Variants in JPH1 observed in about 807,000 individuals in gnomAD.
The protein encoded by JPH1 is junctophilin-1.
JPH1 carries 12 observed loss-of-function variants against 53.6 expected under a neutral mutation model. That is an observed-to-expected ratio of 0.22 (90% CI 0.14 to 0.36). The LOEUF (loss-of-function observed/expected upper bound fraction) is 0.36. Among genes scored for constraint, JPH1 ranks in the 10% least tolerant of loss-of-function variants. JPH1 has a pLI of 1.00. For missense variants in JPH1, 808 were observed against 905.5 expected (o/e 0.89, Z 1.38); for synonymous variants, 375 against 363.8 (o/e 1.03, Z -0.35).
At chr8:74,242,761 G>A (rs1394891642) in intron 4 of JPH1, among the ~76,000 whole-genome samples, 3 of 152,238 alleles carry the variant, frequency 2.0e-5, no homozygotes, top group Non-Finnish European at 1.5e-5. Context: ...GGAGCTGCTG[G>A]GGCTTCCCTT....
chr8:74,286,812 G>A (rs1182614419), intron 2 of JPH1, among the ~76,000 whole-genome samples: 3 of 152,152 alleles, frequency 2.0e-5, no homozygotes, highest in East Asian at 3.8e-4. Context: ...TAGTTAAATG[G>A]TGTGTATGTT....
intron 2 of JPH1, among the ~76,000 whole-genome samples, chr8:74,305,155 A>C (rs1430929615): frequency 6.6e-6 from 1 of 152,366 alleles, no homozygotes; most frequent in Admixed American, 6.5e-5. Flanking sequence ...TAATAAGAAA[A>C]GCATCTCAAA....
intron 2 of JPH1, among the ~76,000 whole-genome samples, chr8:74,264,108 G>A (rs1217338811): frequency 6.6e-6 from 1 of 152,186 alleles, no homozygotes; most frequent in Non-Finnish European, 1.5e-5. Flanking sequence ...GGTACACATA[G>A]GGCCCTGAGA....
intron 2 of JPH1, among the ~76,000 whole-genome samples, chr8:74,289,201 C>T (rs1301248010): frequency 6.6e-6 from 1 of 152,182 alleles, no homozygotes; most frequent in African/African-American, 2.4e-5. Flanking sequence ...AATGGAGCAA[C>T]AGTCCAGTCA....
At chr8:74,263,931 G>A (rs912331158) in intron 2 of JPH1, among the ~76,000 whole-genome samples, 1 of 152,202 alleles carries the variant, frequency 6.6e-6, no homozygotes, top group African/African-American at 2.4e-5. Flanking sequence ...AAATCAGTCT[G>A]TTAAGCAAGG....
chr8:74,254,507 C>CA (rs1448605767), intron 3 of JPH1, among the ~76,000 whole-genome samples: 2 of 152,058 alleles, frequency 1.3e-5, no homozygotes, highest in African/African-American at 4.8e-5. Context: ...CCTCTCTCAC[C>CA]ACTCCTATTC....
rs755624040 is a variant in JPH1 at position 74,244,863 on chromosome 8, C to T, written c.1571G>A (p.Gly524Glu). 6 of 1,614,074 alleles carry T rather than the reference C, an allele frequency of 3.7e-6. No homozygotes were observed. The South Asian group carries it at 5.5e-5, about 15-fold the overall frequency. ...LMSKAPTKEA[G>E]AVVPQSKYSG... is the part of the protein sequence containing the mutation. ...GTACTTGGACTGGGGCACAACCGCTCCTGCCTCCTTCGTGGGAGCCTTTGA... is the reference window on the plus strand; with the variant it reads ...GTACTTGGACTGGGGCACAACCGCTTCTGCCTCCTTCGTGGGAGCCTTTGA... Residue 524 changes from glycine to glutamate, a missense_variant, in exon 4 of 6, where the codon GGA (glycine) becomes GAA (glutamate). Physicochemically the swap from Gly to Glu is moderately conservative, Grantham distance 98. Around this residue, in one of 2 missense-constraint regions of JPH1, gnomAD observed 756 missense variants for 811.9 expected, o/e 0.93. Coordinates refer to ENST00000342232, the MANE Select transcript of JPH1 (RefSeq NM_020647.4).
rs550379973 is a variant in JPH1, at chr8:74,259,001, C to T, written c.1258+384G>A. ...CTACAAGTGGAAAATTCCACATGAC[C>T]GATGGTCACAGTCAAAATGCAGTCA... On this transcript the variant is annotated intron_variant, in intron 3 of 5. Coordinates refer to ENST00000342232, the MANE Select transcript of JPH1 (RefSeq NM_020647.4). 3.4e-4 allele frequency among the ~76,000 whole-genome samples: 52 copies of T among 152,218 alleles called. 1 individual carries two copies. The highest frequency in any genetic ancestry group is 1.1e-3 in the African/African-American group (45 of 41,540).
At chr8:74,306,914 T>C (rs1807853640) in intron 2 of JPH1, among the ~76,000 whole-genome samples, 1 of 152,160 alleles carries the variant, frequency 6.6e-6, no homozygotes. Context: ...ACATACTTAA[T>C]ATAAAGGTAA....
chr8:74,277,480 C>G (rs1806881529), intron 2 of JPH1, among the ~76,000 whole-genome samples: 1 of 152,202 alleles, frequency 6.6e-6, no homozygotes, highest in African/African-American at 2.4e-5. Context: ...GTGGCAAACT[C>G]AAAGTCCCTC....
At chr8:74,288,990 TTACC>T (rs368765557) in intron 2 of JPH1, among the ~76,000 whole-genome samples, 10 of 152,240 alleles carry the variant, frequency 6.6e-5, no homozygotes, top group Admixed American at 2.6e-4. Flanking sequence ...AGTGAAGACT[TTACC>T]TAAGAGTTTA....
At chr8:74,294,846 C>T (rs77537622) in intron 2 of JPH1, among the ~76,000 whole-genome samples, 1,557 of 152,320 alleles carry the variant, frequency 0.01, 21 homozygotes, top group African/African-American at 0.035. Flanking sequence ...TAAATTTTCA[C>T]AATGGTCCTC....
chr8:74,259,267 T>C, intron 3 of JPH1, 118 bp downstream of exon 3: 1 of 742,402 alleles, frequency 1.3e-6, no homozygotes. Flanking sequence ...TTGCTTGTTT[T>C]GTATAATAGT....
At chr8:74,263,445 T>G (rs544105836) in intron 2 of JPH1, among the ~76,000 whole-genome samples, 1 of 152,248 alleles carries the variant, frequency 6.6e-6, no homozygotes, top group South Asian at 2.1e-4. Context: ...TTCAAGAAAA[T>G]TATTAGAAAA....
chr8:74,256,370 C>T (rs1411335982), intron 3 of JPH1, among the ~76,000 whole-genome samples: 2 of 141,164 alleles, frequency 1.4e-5, no homozygotes, highest in Non-Finnish European at 3.1e-5. Context: ...GGAAGGGGAA[C>T]ATCACACACC....
At chr8:74,274,114 A>G (rs1016143175) in intron 2 of JPH1, among the ~76,000 whole-genome samples, 2 of 152,060 alleles carry the variant, frequency 1.3e-5, no homozygotes, top group Non-Finnish European at 2.9e-5. Flanking sequence ...ACATAATCCA[A>G]TTGTGCTCTG....
At chr8:74,288,514 T>C (rs774667240) in intron 2 of JPH1, among the ~76,000 whole-genome samples, 10 of 151,528 alleles carry the variant, frequency 6.6e-5, no homozygotes, top group Non-Finnish European at 1.2e-4. Flanking sequence ...AGTCTATAAG[T>C]GGGGAGGTGG....
At chr8:74,289,683 C>T (rs1160006353) in intron 2 of JPH1, among the ~76,000 whole-genome samples, 2 of 152,210 alleles carry the variant, frequency 1.3e-5, no homozygotes, top group South Asian at 2.1e-4. Context: ...TTTGCCCTTA[C>T]GAACATTACT....
At chr8:74,269,553 G>C (rs1009010517) in intron 2 of JPH1, among the ~76,000 whole-genome samples, 15 of 152,308 alleles carry the variant, frequency 9.8e-5, no homozygotes, top group African/African-American at 3.6e-4. Context: ...GGACAAAAAT[G>C]TAACAAGCAC....
Sources: gnomAD v4.1 joint callset for allele counts (sites outside exome capture counted in the v4.1 genomes callset) on GRCh38, gnomAD v4.1.1 for gene constraint, gnomAD v4.1.1 regional missense constraint, MANE v1.5 for transcripts, NCBI Gene and HGNC (gene_info 2026-07-23, HGNC 2026-07-21) for gene names.